The following MCPH1 variants were observed in gnomAD, a reference collection of about 807,000 sequenced individuals.
MCPH1 encodes the protein microcephalin.
A neutral mutation model predicts 84.5 loss-of-function variants in MCPH1; 104 were observed. The ratio of observed to expected loss-of-function variants is 1.23; its 90% CI spans 1.05 to 1.45. The LOEUF (loss-of-function observed/expected upper bound fraction) is 1.45, where lower values mean the gene tolerates loss of function less well. Ranked by LOEUF, MCPH1 falls within the 40% of genes most tolerant of loss-of-function variation. The probability of loss-of-function intolerance (pLI) is 0.00; values close to 1 mark genes in which losing one functional copy is unlikely to be tolerated. For missense variants in MCPH1, 1,498 were observed against 1,005.7 expected, an observed-to-expected ratio of 1.49 and a Z score of -6.62; for synonymous variants, 514 against 366.8, an observed-to-expected ratio of 1.40 and a Z score of -4.58.
intron 6 of MCPH1, among the ~76,000 whole-genome samples, chr8:6,441,531 T>A (rs1414872866): frequency 1.3e-5 from 2 of 152,218 alleles, no homozygotes; most frequent in Non-Finnish European, 2.9e-5. Context: ...ACTTACGATC[T>A]TATTTGTTAA....
At chr8:6,433,161 A>G (rs1802085600) in intron 4 of MCPH1, among the ~76,000 whole-genome samples, 2 of 152,318 alleles carry the variant, frequency 1.3e-5, no homozygotes, top group South Asian at 2.1e-4. Flanking sequence ...TGCATTATAC[A>G]TTGTGACTGT....
chr8:6,439,012 A>T lies in MCPH1; in HGVS notation c.496A>T (p.Ile166Phe). The change falls in exon 6 of 14, where the codon ATT (isoleucine) becomes TTT (phenylalanine). Residue 166 changes from isoleucine (I) to phenylalanine (F), a missense_variant. Physicochemically the swap from Ile to Phe is conservative, Grantham distance 21. Coordinates refer to ENST00000344683, the MANE Select transcript of MCPH1 (RefSeq NM_024596.5). ...TGGTTCATTAATATATACTCCCACAATTGAAATTAATAGTAGGCACCACAG... is the reference window on the plus strand; with the variant it reads ...TGGTTCATTAATATATACTCCCACATTTGAAATTAATAGTAGGCACCACAG... Reference protein sequence around the residue: ...SNGSLIYTPTIEINSRHHSAM... With the variant: ...SNGSLIYTPTFEINSRHHSAM... 2 of 1,610,796 alleles carry T rather than the reference A, an allele frequency of 1.2e-6. No individual in the cohort carries two copies. Among genetic ancestry groups the T allele is most frequent in the South Asian group, 2.2e-5 (2 of 91,004 alleles).
chr8:6,639,238 T>A (rs1797769161), intron 13 of MCPH1, among the ~76,000 whole-genome samples: 1 of 152,192 alleles, frequency 6.6e-6, no homozygotes, highest in African/African-American at 2.4e-5. Context: ...GAGTGATATT[T>A]GATTTCATAG....
intron 9 of MCPH1, among the ~76,000 whole-genome samples, chr8:6,473,492 C>T (rs1046381330): frequency 2.0e-5 from 3 of 151,796 alleles, no homozygotes; most frequent in Admixed American, 6.6e-5. Flanking sequence ...CCACCATGCC[C>T]GGCTAATTTT....
intron 12 of MCPH1, among the ~76,000 whole-genome samples, chr8:6,548,553 C>T (rs1002547864): frequency 6.6e-6 from 1 of 152,168 alleles, no homozygotes; most frequent in Non-Finnish European, 1.5e-5. Context: ...AAAGATCAGA[C>T]CAGCCAAACT....
intron 3 of MCPH1, among the ~76,000 whole-genome samples, chr8:6,428,218 A>T (rs967737948): frequency 2.6e-5 from 4 of 151,782 alleles, no homozygotes; most frequent in African/African-American, 9.7e-5. Flanking sequence ...TTATATCTTT[A>T]TCAGCTTTTT....
chr8:6,417,058 A>T (rs2515470), intron 3 of MCPH1, among the ~76,000 whole-genome samples: 1 of 152,122 alleles, frequency 6.6e-6, no homozygotes, highest in Non-Finnish European at 1.5e-5. Flanking sequence ...ACTTTCAGAA[A>T]TTTAAGTGTC....
intron 12 of MCPH1, among the ~76,000 whole-genome samples, chr8:6,521,833 C>G (rs1472551729): frequency 6.6e-6 from 1 of 152,146 alleles, no homozygotes; most frequent in Non-Finnish European, 1.5e-5. Context: ...TTCTCCTAAA[C>G]TATTTATATT....
chr8:6,581,666 T>C (rs1827576188), intron 12 of MCPH1, among the ~76,000 whole-genome samples: 2 of 152,240 alleles, frequency 1.3e-5, no homozygotes, highest in Admixed American at 6.5e-5. Flanking sequence ...TTCCATAGTC[T>C]TAGAGAAAGT....
At chr8:6,625,966 G>GTCC in intron 13 of MCPH1, 2 of 985,104 alleles carry the variant, frequency 2.0e-6, no homozygotes, top group Non-Finnish European at 2.4e-6. Flanking sequence ...GTATTCTGTG[G>GTCC]CCAGAGGAGG....
chr8:6,447,212 G>T (rs1042683400), intron 8 of MCPH1: 10 of 985,196 alleles, frequency 1.0e-5, no homozygotes, highest in Admixed American at 1.2e-4. Context: ...ACTGTCCACT[G>T]TCAGCCCCCT....
chr8:6,419,266 C>T (rs188879787), intron 3 of MCPH1, among the ~76,000 whole-genome samples: 18 of 152,088 alleles, frequency 1.2e-4, no homozygotes, highest in Admixed American at 1.0e-3. Context: ...GTTGCCGAGG[C>T]TGGAATGCAA....
chr8:6,621,420 C>T (rs1831398526), intron 12 of MCPH1, 34 bp from the exon 13 acceptor site: 2 of 1,612,400 alleles, frequency 1.2e-6, no homozygotes, highest in Middle Eastern at 1.6e-4. Context: ...GGAGTGGTCC[C>T]ACCTCTGTAA....
At chr8:6,598,622 C>T (rs527902479) in intron 12 of MCPH1, among the ~76,000 whole-genome samples, 2 of 152,240 alleles carry the variant, frequency 1.3e-5, no homozygotes, top group South Asian at 4.1e-4. Flanking sequence ...AACACCATTT[C>T]CCCCAAGCGA....
chr8:6,522,596 A>G (rs1373546842), intron 12 of MCPH1, among the ~76,000 whole-genome samples: 1 of 151,936 alleles, frequency 6.6e-6, no homozygotes, highest in Admixed American at 6.6e-5. Context: ...CAACATGGTG[A>G]AACCCTCTCT....
chr8:6,539,595 TC>T lies in MCPH1; in HGVS notation c.2214+39667del, dbSNP rs749774974. Among the ~76,000 whole-genome samples, 166 of 152,296 alleles carry T rather than the reference TC, an allele frequency of 1.1e-3. 1 individual carries two copies. The highest frequency in any genetic ancestry group is 6.8e-3 in the Middle Eastern group (2 of 294). The stretch of plus-strand genomic sequence containing the variant: ...TTTTTCTAGTCATACTTTTTTATTG[TC>T]TTTTTTTTGAGATGGAGTCTCGCTC... On this transcript the variant is annotated intron_variant, in intron 12 of 13. Transcript: ENST00000344683.
In MCPH1 at chr8:6,550,683, A is replaced by T. The variant is rs181751231; in HGVS notation, c.2214+50754A>T. ...GTGGATTTTATATTGAAATCTTTTT[A>T]AAATCTGTTTTATTGTAAGAGGCTC... On this transcript the variant is annotated intron_variant, in intron 12 of 13. Coordinates refer to ENST00000344683, the MANE Select transcript of MCPH1 (RefSeq NM_024596.5). Among the ~76,000 whole-genome samples, 409 of 152,268 alleles carry T rather than the reference A, an allele frequency of 2.7e-3. 3 individuals carry two copies. The highest frequency in any genetic ancestry group is 3.0e-3 in the Non-Finnish European group (203 of 68,024).
At chr8:6,633,614 A>C (rs1407106844) in intron 13 of MCPH1, among the ~76,000 whole-genome samples, 1 of 152,158 alleles carries the variant, frequency 6.6e-6, no homozygotes, top group Non-Finnish European at 1.5e-5. Flanking sequence ...CCCAAGGGAA[A>C]AAAAAGACCC....
At chr8:6,521,914 A>C (rs893924637) in intron 12 of MCPH1, among the ~76,000 whole-genome samples, 1 of 152,190 alleles carries the variant, frequency 6.6e-6, no homozygotes, top group African/African-American at 2.4e-5. Context: ...GGGGAGGTGA[A>C]TACTTCTCCC....
Sources: gnomAD v4.1 joint callset for allele counts (sites outside exome capture counted in the v4.1 genomes callset) on GRCh38, gnomAD v4.1.1 for gene constraint, MANE v1.5 for transcripts, NCBI Gene and HGNC (gene_info 2026-07-23, HGNC 2026-07-21) for gene names.